Variants in MIR2052HG observed in about 807,000 individuals in gnomAD.
The protein encoded by MIR2052HG is MIR2052 host gene.
intron 2 of MIR2052HG, among the ~76,000 whole-genome samples, chr8:74,690,553 C>A (rs1180385032): frequency 6.6e-6 from 1 of 151,956 alleles, no homozygotes; most frequent in Non-Finnish European, 1.5e-5. Flanking sequence ...GAGGCTGAGG[C>A]AGGAGAATGG....
chr8:74,633,887 G>C (rs1808550290), intron 2 of MIR2052HG, among the ~76,000 whole-genome samples: 1 of 152,254 alleles, frequency 6.6e-6, no homozygotes, highest in East Asian at 1.9e-4. Flanking sequence ...ACTTAAGAAT[G>C]GTTTGTACAT....
intron 4 of MIR2052HG, among the ~76,000 whole-genome samples, chr8:74,704,103 G>A (rs937888355): frequency 1.3e-4 from 20 of 151,932 alleles, no homozygotes; most frequent in Non-Finnish European, 2.5e-4. Context: ...ATATCTATAT[G>A]GGAATAGATC....
At chr8:74,750,136 C>A (rs1164127838) in intron 4 of MIR2052HG, among the ~76,000 whole-genome samples, 2 of 152,112 alleles carry the variant, frequency 1.3e-5, no homozygotes, top group African/African-American at 4.8e-5. Flanking sequence ...GAAATAATAT[C>A]ATTTCAAAGC....
chr8:74,675,741 A>G (rs942015928), intron 2 of MIR2052HG, among the ~76,000 whole-genome samples: 1 of 152,006 alleles, frequency 6.6e-6, no homozygotes, highest in African/African-American at 2.4e-5. Context: ...ATTTAAATCT[A>G]AGAGTAGAAT....
intron 2 of MIR2052HG, among the ~76,000 whole-genome samples, chr8:74,660,712 T>C (rs1808853268): frequency 6.6e-6 from 1 of 152,198 alleles, no homozygotes; most frequent in African/African-American, 2.4e-5. Context: ...AACAACATCA[T>C]CAATTACATG....
chr8:74,670,705 T>C (rs1273982181), intron 2 of MIR2052HG, among the ~76,000 whole-genome samples: 4 of 152,258 alleles, frequency 2.6e-5, no homozygotes, highest in Admixed American at 6.5e-5. Context: ...AGTTGGTATA[T>C]GGTTATCAGA....
intron 2 of MIR2052HG, among the ~76,000 whole-genome samples, chr8:74,664,673 A>G (rs1808902889): frequency 6.6e-6 from 1 of 152,048 alleles, no homozygotes. Flanking sequence ...GCCCGCCACT[A>G]TGCCCAGCTA....
At chr8:74,610,821 A>G (rs977087875) in intron 1 of MIR2052HG, among the ~76,000 whole-genome samples, 2 of 152,046 alleles carry the variant, frequency 1.3e-5, no homozygotes, top group African/African-American at 2.4e-5. Flanking sequence ...CCCACTGCCT[A>G]CCTTACATCA....
chr8:74,678,874 A>G (rs969604322), intron 2 of MIR2052HG, among the ~76,000 whole-genome samples: 4 of 152,150 alleles, frequency 2.6e-5, no homozygotes, highest in African/African-American at 7.2e-5. Context: ...TGAACAAGTT[A>G]GGTTTATCCC....
chr8:74,723,371 C>T (rs1809598886), intron 4 of MIR2052HG, among the ~76,000 whole-genome samples: 1 of 152,200 alleles, frequency 6.6e-6, no homozygotes, highest in South Asian at 2.1e-4. Context: ...GATTACAACA[C>T]ATAAACACCT....
chr8:74,695,122 T>C (rs1038472532), intron 2 of MIR2052HG, among the ~76,000 whole-genome samples: 3 of 152,156 alleles, frequency 2.0e-5, no homozygotes, highest in African/African-American at 7.2e-5. Flanking sequence ...GCAGAAACCT[T>C]ACAAGCTGGA....
At chr8:74,685,902 A>C (rs1586913679) in intron 2 of MIR2052HG, among the ~76,000 whole-genome samples, 1 of 152,024 alleles carries the variant, frequency 6.6e-6, no homozygotes, top group South Asian at 2.1e-4. Context: ...CAAATTTTAA[A>C]TCGTTTAAAA....
At chr8:74,725,471 T>C (rs961161480) in intron 4 of MIR2052HG, among the ~76,000 whole-genome samples, 4 of 152,236 alleles carry the variant, frequency 2.6e-5, no homozygotes, top group African/African-American at 9.6e-5. Context: ...TTGGAATGAA[T>C]AATGGCAACG....
At chr8:74,635,417 T>TG (rs528633037) in intron 2 of MIR2052HG, among the ~76,000 whole-genome samples, 16 of 152,240 alleles carry the variant, frequency 1.1e-4, no homozygotes, top group Middle Eastern at 3.4e-3. Context: ...CACTGGTCCT[T>TG]AATTACTGGA....
At chr8:74,603,102 C>T (rs1331151403) in intron 1 of MIR2052HG, 1 of 585,730 alleles carries the variant, frequency 1.7e-6, no homozygotes, top group East Asian at 2.9e-5. Context: ...TCAGCACCAA[C>T]AGCTGAACAG....
chr8:74,685,358 G>A (rs1472670574), intron 2 of MIR2052HG, among the ~76,000 whole-genome samples: 1 of 152,036 alleles, frequency 6.6e-6, no homozygotes, highest in Non-Finnish European at 1.5e-5. Flanking sequence ...TTGCCACACT[G>A]CTACATACTT....
intron 2 of MIR2052HG, among the ~76,000 whole-genome samples, chr8:74,640,467 CAAAAAAAAAA>C (rs35779504): frequency 5.7e-4 from 48 of 83,566 alleles, no homozygotes; most frequent in African/African-American, 2.3e-3. Flanking sequence ...GACTCCGTCT[CAAAAAAAAAA>C]AAAAAAAAAA....
At chr8:74,756,042 C>G (rs541288571) in intron 5 of MIR2052HG, among the ~76,000 whole-genome samples, 26 of 152,288 alleles carry the variant, frequency 1.7e-4, no homozygotes, top group African/African-American at 6.0e-4. Flanking sequence ...CTCCAGACCA[C>G]CTGCACTCCT....
At chr8:74,680,891 T>C (rs1809116673) in intron 2 of MIR2052HG, among the ~76,000 whole-genome samples, 1 of 150,784 alleles carries the variant, frequency 6.6e-6, no homozygotes, top group Non-Finnish European at 1.5e-5. Flanking sequence ...CCAGAAAAAA[T>C]GATGAGTTCA....
Sources: allele counts gnomAD v4.1 joint callset (sites outside exome capture counted in the v4.1 genomes callset), GRCh38; gene constraint gnomAD v4.1.1; transcripts MANE v1.5; gene names NCBI Gene and HGNC (gene_info 2026-07-23, HGNC 2026-07-21).